Variants in RBFOX1 observed in about 807,000 individuals in gnomAD.
The protein encoded by RBFOX1 is RNA binding protein fox-1 homolog 1.
In RBFOX1, 8 loss-of-function variants were observed where a neutral mutation model predicts 57.7. The observed-to-expected ratio is 0.14, with a 90% CI of 0.08 to 0.25. The LOEUF (loss-of-function observed/expected upper bound fraction) is 0.25. Ranked by LOEUF, RBFOX1 falls within the 10% of genes least tolerant of loss-of-function variation. The pLI, the probability that RBFOX1 is intolerant of heterozygous loss-of-function variation, is 1.00. For synonymous variants in RBFOX1, 326 were observed against 222.4 expected, an observed-to-expected ratio of 1.47 and a Z score of -4.15; for missense variants, 611 against 548.5, an observed-to-expected ratio of 1.11 and a Z score of -1.14.
chr16:5,932,614 A>C (rs540172552), intron 4 of RBFOX1, among the ~76,000 whole-genome samples: 1 of 152,334 alleles, frequency 6.6e-6, no homozygotes, highest in East Asian at 1.9e-4. Flanking sequence ...CACACTCTTT[A>C]AGTAAAAGGA....
At chr16:7,201,392 T>C (rs575164476) in intron 4 of RBFOX1, among the ~76,000 whole-genome samples, 1 of 152,200 alleles carries the variant, frequency 6.6e-6, no homozygotes, top group African/African-American at 2.4e-5. Flanking sequence ...GGGGATTCTA[T>C]TCTGGCTGAG....
intron 5 of RBFOX1, among the ~76,000 whole-genome samples, chr16:7,520,980 A>C (rs1002124569): frequency 1.5e-4 from 23 of 152,332 alleles, no homozygotes; most frequent in Non-Finnish European, 2.4e-4. Context: ...TACCTCTTGT[A>C]ACTTAGTATG....
intron 1 of RBFOX1, among the ~76,000 whole-genome samples, chr16:6,133,693 T>C (rs2096645944): frequency 6.6e-6 from 1 of 152,166 alleles, no homozygotes; most frequent in South Asian, 2.1e-4. Flanking sequence ...TAGGACGCCA[T>C]CTCTGCATCC....
intron 5 of RBFOX1, among the ~76,000 whole-genome samples, chr16:7,532,699 C>G (rs2080424446): frequency 1.3e-5 from 2 of 152,208 alleles, no homozygotes; most frequent in Admixed American, 6.5e-5. Flanking sequence ...CGATTCCTGC[C>G]TGCGATGTTT....
chr16:7,020,584 A>G (rs1207947282), intron 3 of RBFOX1, among the ~76,000 whole-genome samples: 2 of 152,190 alleles, frequency 1.3e-5, no homozygotes, highest in African/African-American at 4.8e-5. Context: ...CTAGGTCAAT[A>G]TCTGTGTTTT....
At chr16:5,404,792 C>G (rs978403698) in intron 1 of RBFOX1, among the ~76,000 whole-genome samples, 1 of 152,202 alleles carries the variant, frequency 6.6e-6, no homozygotes, top group Non-Finnish European at 1.5e-5. Flanking sequence ...GATAAGACAG[C>G]TTGTCAGAAG....
chr16:5,410,061 A>ATAAT (rs539061609), intron 1 of RBFOX1, among the ~76,000 whole-genome samples: 1 of 145,866 alleles, frequency 6.9e-6, no homozygotes, highest in African/African-American at 2.5e-5. Flanking sequence ...AAAAAAAAAA[A>ATAAT]AAAAATAATA....
intron 1 of RBFOX1, among the ~76,000 whole-genome samples, chr16:6,118,791 C>G (rs748443651): frequency 5.5e-5 from 8 of 146,440 alleles, no homozygotes; most frequent in Non-Finnish European, 8.9e-5. Context: ...CTCTCTTTCT[C>G]TCTCTCCTTC....
chr16:5,933,863 G>A (rs1347093625), intron 4 of RBFOX1, among the ~76,000 whole-genome samples: 1 of 151,870 alleles, frequency 6.6e-6, no homozygotes, highest in Non-Finnish European at 1.5e-5. Flanking sequence ...CGAGTGATGG[G>A]GGTTTGTTGT....
intron 1 of RBFOX1, among the ~76,000 whole-genome samples, chr16:6,066,007 G>GT (rs2095756401): frequency 6.6e-6 from 1 of 152,076 alleles, no homozygotes; most frequent in African/African-American, 2.4e-5. Flanking sequence ...CACTTTAATG[G>GT]TAGTATTAAG....
chr16:7,332,422 C>A (rs929226692), intron 4 of RBFOX1, among the ~76,000 whole-genome samples: 1 of 152,086 alleles, frequency 6.6e-6, no homozygotes, highest in East Asian at 1.9e-4. Flanking sequence ...AGAGAGAGAG[C>A]GGGAGGAAAA....
At chr16:7,316,981 CACACAA>C (rs938421885) in intron 4 of RBFOX1, among the ~76,000 whole-genome samples, 42 of 151,422 alleles carry the variant, frequency 2.8e-4, no homozygotes, top group African/African-American at 8.8e-4. Flanking sequence ...CACACACACA[CACACAA>C]ACACACACAC....
At chr16:5,799,153 G>A (rs1374730649) in intron 3 of RBFOX1, among the ~76,000 whole-genome samples, 1 of 152,068 alleles carries the variant, frequency 6.6e-6, no homozygotes, top group Non-Finnish European at 1.5e-5. Context: ...CAGCAGACAA[G>A]AGATAATGAA....
At chr16:5,807,258 G>A (rs1023995661) in intron 3 of RBFOX1, among the ~76,000 whole-genome samples, 1 of 152,144 alleles carries the variant, frequency 6.6e-6, no homozygotes, top group Non-Finnish European at 1.5e-5. Flanking sequence ...CTTCACGGGG[G>A]CTGTGGATAT....
At chr16:6,941,346 C>A (rs569047635) in intron 3 of RBFOX1, among the ~76,000 whole-genome samples, 13 of 136,540 alleles carry the variant, frequency 9.5e-5, no homozygotes, top group African/African-American at 3.0e-4. Flanking sequence ...TTCCTTCCTT[C>A]CTTCCTTCCT....
At chr16:6,830,520 C>G (rs146381022) in intron 3 of RBFOX1, among the ~76,000 whole-genome samples, 1 of 152,058 alleles carries the variant, frequency 6.6e-6, no homozygotes, top group African/African-American at 2.4e-5. Context: ...CTGTTTTGTT[C>G]CCCCAGGGGA....
At chr16:7,510,724 C>G (rs529092486) in intron 4 of RBFOX1, among the ~76,000 whole-genome samples, 1 of 152,192 alleles carries the variant, frequency 6.6e-6, no homozygotes, top group Non-Finnish European at 1.5e-5. Flanking sequence ...AGACCATGCT[C>G]CTAAACTAAA....
chr16:5,908,346 G>T (rs975107974), intron 4 of RBFOX1, among the ~76,000 whole-genome samples: 3 of 80,638 alleles, frequency 3.7e-5, no homozygotes, highest in Non-Finnish European at 9.1e-5. Context: ...GTGTGTGTGT[G>T]TGTGTGTCTG....
chr16:7,434,963 C>G (rs1184718783), intron 4 of RBFOX1, among the ~76,000 whole-genome samples: 1 of 152,164 alleles, frequency 6.6e-6, no homozygotes, highest in African/African-American at 2.4e-5. Flanking sequence ...CGGTCTTGAA[C>G]TGTTGACCTT....
Sources: allele counts gnomAD v4.1 joint callset (sites outside exome capture counted in the v4.1 genomes callset), GRCh38; gene constraint gnomAD v4.1.1; transcripts MANE v1.5; gene names NCBI Gene and HGNC (gene_info 2026-07-23, HGNC 2026-07-21).